Variants in SGCD observed in about 807,000 individuals in gnomAD.
The protein encoded by SGCD is delta-sarcoglycan.
In SGCD, 18 loss-of-function variants were observed where a neutral mutation model predicts 36.6. The observed-to-expected ratio is 0.49, with a 90% CI of 0.34 to 0.73. The LOEUF (loss-of-function observed/expected upper bound fraction) is 0.73. SGCD is among the 30% of genes least tolerant of loss of function. The pLI is 0.01. For missense variants in SGCD, 387 were observed against 346.7 expected, an observed-to-expected ratio of 1.12 and a Z score of -0.92; for synonymous variants, 133 against 130.6, an observed-to-expected ratio of 1.02 and a Z score of -0.12.
chr5:156,117,176 T>A (rs1259176735), intron 1 of SGCD, among the ~76,000 whole-genome samples: 1 of 152,092 alleles, frequency 6.6e-6, no homozygotes, highest in East Asian at 1.9e-4. Context: ...GAAATGGACA[T>A]GAAACAGAGT....
chr5:155,803,626 C>G, the SGCD span, among the ~76,000 whole-genome samples: 1 of 152,184 alleles, frequency 6.6e-6, no homozygotes, highest in Admixed American at 6.5e-5. Context: ...CAGGCAAACT[C>G]TGTCATATAG....
At chr5:156,638,990 T>C (rs1264521727) in intron 6 of SGCD, among the ~76,000 whole-genome samples, 1 of 152,004 alleles carries the variant, frequency 6.6e-6, no homozygotes, top group Non-Finnish European at 1.5e-5. Flanking sequence ...ATGATACTCA[T>C]TTATCTTTCT....
At chr5:156,603,933 G>A (rs570510457) in intron 6 of SGCD, among the ~76,000 whole-genome samples, 1 of 152,104 alleles carries the variant, frequency 6.6e-6, no homozygotes, top group East Asian at 1.9e-4. Context: ...TACAGTTTAA[G>A]TCTAATATTT....
chr5:156,616,005 G>A (rs1165305582), intron 6 of SGCD, among the ~76,000 whole-genome samples: 1 of 152,192 alleles, frequency 6.6e-6, no homozygotes, highest in East Asian at 1.9e-4. Flanking sequence ...AATTCAAAGG[G>A]AGAGGCAAGG....
intron 3 of SGCD, among the ~76,000 whole-genome samples, chr5:156,311,630 G>A (rs1767392407): frequency 6.6e-6 from 1 of 152,162 alleles, no homozygotes; most frequent in South Asian, 2.1e-4. Context: ...AGGAGCTGGG[G>A]TTAGGGCAGG....
chr5:156,401,333 G>T (rs1580932821), intron 3 of SGCD, among the ~76,000 whole-genome samples: 2 of 152,122 alleles, frequency 1.3e-5, no homozygotes, highest in Admixed American at 6.5e-5. Context: ...GATAGTAAAA[G>T]GTGCTCTATC....
chr5:156,133,914 AACACACACACACACACAC>A (rs70981997), intron 3 of SGCD, among the ~76,000 whole-genome samples: 25 of 140,416 alleles, frequency 1.8e-4, no homozygotes, highest in South Asian at 2.4e-4. Context: ...GCCGGGTTAA[AACACACACACACACACAC>A]ACACACACAC....
chr5:156,230,493 G>A (rs1240207576), intron 3 of SGCD, among the ~76,000 whole-genome samples: 2 of 152,174 alleles, frequency 1.3e-5, no homozygotes, highest in Non-Finnish European at 2.9e-5. Flanking sequence ...CTTGGGGCTG[G>A]TATTGGGGGT....
chr5:155,854,953 A>G, the SGCD span, among the ~76,000 whole-genome samples: 3 of 152,120 alleles, frequency 2.0e-5, no homozygotes, highest in Non-Finnish European at 4.4e-5. Context: ...GGCCTACCCA[A>G]GTCAACTATT....
At chr5:156,732,994 T>C (rs1372305682) in intron 7 of SGCD, among the ~76,000 whole-genome samples, 1 of 152,094 alleles carries the variant, frequency 6.6e-6, no homozygotes, top group African/African-American at 2.4e-5. Context: ...AGTCTACCTA[T>C]GTTATTAATT....
At chr5:156,549,523 T>C (rs556636653) in intron 4 of SGCD, among the ~76,000 whole-genome samples, 1 of 152,368 alleles carries the variant, frequency 6.6e-6, no homozygotes, top group South Asian at 2.1e-4. Context: ...TAATGTTCAT[T>C]AGGTGTGTAC....
chr5:156,021,839 C>T (rs1581046546), intron 1 of SGCD, among the ~76,000 whole-genome samples: 1 of 152,082 alleles, frequency 6.6e-6, no homozygotes, highest in Non-Finnish European at 1.5e-5. Flanking sequence ...TGCTATTTGG[C>T]CCTGGTGGTA....
chr5:156,604,114 T>C (rs6895333), intron 6 of SGCD, among the ~76,000 whole-genome samples: 4,729 of 152,134 alleles, frequency 0.031, 252 homozygotes, highest in African/African-American at 0.11. Context: ...TTATATCTTC[T>C]TGTTGAATTG....
intron 3 of SGCD, among the ~76,000 whole-genome samples, chr5:156,162,433 G>A (rs1581138922): frequency 6.6e-6 from 1 of 151,470 alleles, no homozygotes; most frequent in African/African-American, 2.5e-5. Context: ...CTGCAGTGTG[G>A]CGTGAGGTCT....
chr5:156,533,716 A>C (rs1471115292), intron 4 of SGCD, among the ~76,000 whole-genome samples: 2 of 152,224 alleles, frequency 1.3e-5, no homozygotes, highest in African/African-American at 4.8e-5. Flanking sequence ...ATGTTAATTT[A>C]TTATATATAA....
At chr5:156,686,255 C>T (rs1245253514) in intron 7 of SGCD, among the ~76,000 whole-genome samples, 3 of 152,134 alleles carry the variant, frequency 2.0e-5, no homozygotes, top group African/African-American at 4.8e-5. Context: ...ATGTAAATGG[C>T]TCAGCTGCCA....
chr5:156,098,595 ATG>A (rs1028966183), intron 1 of SGCD, among the ~76,000 whole-genome samples: 2 of 128,032 alleles, frequency 1.6e-5, no homozygotes, highest in African/African-American at 7.5e-5. Flanking sequence ...GGTTGTGTGT[ATG>A]TGTATATATA....
the SGCD span, among the ~76,000 whole-genome samples, chr5:155,813,184 A>G: frequency 6.6e-6 from 1 of 152,068 alleles, no homozygotes; most frequent in Non-Finnish European, 1.5e-5. Context: ...CATATTGGAT[A>G]GGTGAGAGGT....
intron 7 of SGCD, among the ~76,000 whole-genome samples, chr5:156,748,579 T>C (rs1757032044): frequency 6.6e-6 from 1 of 152,160 alleles, no homozygotes; most frequent in Admixed American, 6.5e-5. Context: ...ATAAAGAGGA[T>C]AAACCAATTC....
Sources: gnomAD v4.1 joint callset for allele counts (sites outside exome capture counted in the v4.1 genomes callset) on GRCh38, gnomAD v4.1.1 for gene constraint, MANE v1.5 for transcripts, NCBI Gene and HGNC (gene_info 2026-07-23, HGNC 2026-07-21) for gene names.